Variants in TCF4 observed in about 807,000 individuals in gnomAD.
TCF4 encodes the protein SL3-3 enhancer factor 2.
TCF4 carries 3 observed loss-of-function variants against 82.1 expected under a neutral mutation model. The observed-to-expected ratio is 0.04, with a 90% confidence interval of 0.02 to 0.09. The LOEUF (loss-of-function observed/expected upper bound fraction) is 0.09, where lower values mean the gene tolerates loss of function less well. Ranked by LOEUF, TCF4 falls within the 10% of genes least tolerant of loss-of-function variation. The pLI is 1.00. For synonymous variants in TCF4, 276 were observed against 309.6 expected, an observed-to-expected ratio of 0.89 and a Z score of 1.14; for missense variants, 518 against 852.7, an observed-to-expected ratio of 0.61 and a Z score of 4.89.
At chr18:55,361,314 C>T (rs1339676189) in intron 6 of TCF4, among the ~76,000 whole-genome samples, 1 of 152,108 alleles carries the variant, frequency 6.6e-6, no homozygotes, top group East Asian at 1.9e-4. Flanking sequence ...TCTCTTTCCT[C>T]TTTCACACAT....
chr18:55,258,907 G>A (rs1164519641), intron 13 of TCF4, among the ~76,000 whole-genome samples: 4 of 152,054 alleles, frequency 2.6e-5, no homozygotes, highest in Admixed American at 6.6e-5. Flanking sequence ...CACCTCAATC[G>A]CTTCCCAGTT....
At chr18:55,274,433 C>A (rs1272830402) in intron 10 of TCF4, among the ~76,000 whole-genome samples, 3 of 152,190 alleles carry the variant, frequency 2.0e-5, no homozygotes, top group East Asian at 1.9e-4. Flanking sequence ...ACCACTAGGA[C>A]CAACTAAATA....
intron 8 of TCF4, among the ~76,000 whole-genome samples, chr18:55,286,757 A>G (rs1308156826): frequency 6.6e-6 from 1 of 152,224 alleles, no homozygotes; most frequent in African/African-American, 2.4e-5. Flanking sequence ...AGTATTATCA[A>G]GTCAAGGAAT....
intron 2 of TCF4, chr18:55,585,686 A>G (rs1355713990): frequency 2.1e-6 from 2 of 947,342 alleles, no homozygotes; most frequent in African/African-American, 1.7e-5. Flanking sequence ...AGTTTCACCA[A>G]GGAGAAGAAA....
chr18:55,285,057 G>A (rs1444115117), intron 8 of TCF4, among the ~76,000 whole-genome samples: 1 of 152,182 alleles, frequency 6.6e-6, no homozygotes, highest in Non-Finnish European at 1.5e-5. Flanking sequence ...TGGTTCCAGT[G>A]CAGTGATACG....
intron 2 of TCF4, among the ~76,000 whole-genome samples, chr18:55,628,827 C>T (rs1041438631): frequency 2.0e-5 from 3 of 152,132 alleles, no homozygotes; most frequent in African/African-American, 7.2e-5. Flanking sequence ...AATTTGTATG[C>T]ATTTGAGGCT....
chr18:55,572,973 A>C (rs1390308421), intron 3 of TCF4, among the ~76,000 whole-genome samples: 2 of 152,004 alleles, frequency 1.3e-5, no homozygotes, highest in Non-Finnish European at 2.9e-5. Flanking sequence ...GAATCACTTG[A>C]ACTCGGGAGG....
chr18:55,594,247 A>G (rs995328560), intron 2 of TCF4, among the ~76,000 whole-genome samples: 4 of 152,148 alleles, frequency 2.6e-5, no homozygotes, highest in African/African-American at 9.7e-5. Flanking sequence ...AGACCTTCCT[A>G]ACTATTCTGT....
At chr18:55,376,537 AC>A (rs139582564) in intron 6 of TCF4, among the ~76,000 whole-genome samples, 5,526 of 152,240 alleles carry the variant, frequency 0.036, 320 homozygotes, top group African/African-American at 0.12. Flanking sequence ...ACTTCAAGTC[AC>A]TTCTTTGTTT....
chr18:55,498,424 G>A (rs1487872550), intron 3 of TCF4, among the ~76,000 whole-genome samples: 1 of 152,184 alleles, frequency 6.6e-6, no homozygotes, highest in Non-Finnish European at 1.5e-5. Context: ...CCTAACACCT[G>A]CCAGTGTCAT....
At chr18:55,351,222 G>C (rs185768418) in intron 6 of TCF4, 3 of 542,430 alleles carry the variant, frequency 5.5e-6, no homozygotes, top group African/African-American at 3.8e-5. Flanking sequence ...GAAAGTAGAT[G>C]ATTCCCTTTA....
In TCF4 at chr18:55,224,883, A is replaced by G. The variant is rs1480001863; in HGVS notation, c.*3152T>C. The G allele has an allele frequency of 6.6e-6, 1 of 152,554 alleles. No homozygotes were observed. 9.5% of individuals were successfully genotyped at this position (152,554 alleles called of 1,614,324 possible). A position where few individuals can be genotyped will look rare whatever the true frequency, so the allele number is the denominator to read the frequency against. On this transcript the variant is annotated 3_prime_UTR_variant, in exon 20 of 20. Coordinates refer to ENST00000354452, the MANE Select transcript of TCF4 (RefSeq NM_001083962.2). ...TGCTTTTAAAGTCCGAGTTTCTGAA[A>G]GAGATCCCCAGCCTAAGTGTCGTCA...
At chr18:55,234,486 G>C in intron 16 of TCF4, 62 bp downstream of exon 16, 5 of 1,606,952 alleles carry the variant, frequency 3.1e-6, no homozygotes, top group Non-Finnish European at 2.6e-6. Context: ...CAAGAGGCTG[G>C]GTATCAACAC....
At chr18:55,559,709 AG>A (rs2097338619) in intron 3 of TCF4, among the ~76,000 whole-genome samples, 1 of 152,100 alleles carries the variant, frequency 6.6e-6, no homozygotes, top group African/African-American at 2.4e-5. Context: ...TGGGCTCCAA[AG>A]TTTTATGCTT....
chr18:55,443,197 T>C (rs2095471219), intron 5 of TCF4, among the ~76,000 whole-genome samples: 2 of 152,222 alleles, frequency 1.3e-5, no homozygotes, highest in Admixed American at 6.5e-5. Flanking sequence ...ATGCCCTTCC[T>C]CTGAGTATGC....
At chr18:55,498,417 A>G (rs1265249093) in intron 3 of TCF4, among the ~76,000 whole-genome samples, 2 of 152,152 alleles carry the variant, frequency 1.3e-5, no homozygotes, top group Non-Finnish European at 2.9e-5. Context: ...AGCCAGTCCT[A>G]ACACCTGCCA....
intron 15 of TCF4, among the ~76,000 whole-genome samples, chr18:55,252,941 A>G (rs1357685503): frequency 6.6e-6 from 1 of 152,224 alleles, no homozygotes; most frequent in African/African-American, 2.4e-5. Flanking sequence ...ACCTGAGGCC[A>G]AGCTAAATTA....
At chr18:55,257,590 T>C (rs1384687141) in intron 13 of TCF4, 199 bp from the exon 14 acceptor site, 6 of 609,580 alleles carry the variant, frequency 9.8e-6, no homozygotes, top group Non-Finnish European at 1.7e-5. Flanking sequence ...AGACTTTACA[T>C]AGACTCACAA....
At chr18:55,437,339 AG>A (rs2095350548) in intron 5 of TCF4, among the ~76,000 whole-genome samples, 2 of 152,244 alleles carry the variant, frequency 1.3e-5, no homozygotes, top group South Asian at 4.1e-4. Flanking sequence ...CTTTAGGGCC[AG>A]TAGATTAAAT....
Sources: allele counts gnomAD v4.1 joint callset (sites outside exome capture counted in the v4.1 genomes callset), GRCh38; gene constraint gnomAD v4.1.1; transcripts MANE v1.5; gene names NCBI Gene and HGNC (gene_info 2026-07-23, HGNC 2026-07-21).